The following NELL2 variants were observed in gnomAD, a reference collection of about 807,000 sequenced individuals.
NELL2 encodes neural EGFL like 2.
NELL2 carries 41 observed loss-of-function variants against 109.6 expected under a neutral mutation model. The ratio of observed to expected loss-of-function variants is 0.37; its 90% confidence interval spans 0.29 to 0.49. NELL2 has a LOEUF of 0.49. Among genes scored for constraint, NELL2 ranks in the 20% least tolerant of loss-of-function variants. NELL2 has a pLI of 0.98. For missense variants in NELL2, 900 were observed against 1,008.3 expected, an observed-to-expected ratio of 0.89 and a Z score of 1.45; for synonymous variants, 355 against 344.7, an observed-to-expected ratio of 1.03 and a Z score of -0.33.
intron 2 of NELL2, among the ~76,000 whole-genome samples, chr12:44,866,684 G>A (rs1941568873): frequency 6.6e-6 from 1 of 151,912 alleles, no homozygotes; most frequent in Admixed American, 6.6e-5. Context: ...AAATGAAACA[G>A]AGAGTTGTTT....
At chr12:44,555,430 C>T (rs948708318) in intron 15 of NELL2, among the ~76,000 whole-genome samples, 4 of 152,074 alleles carry the variant, frequency 2.6e-5, no homozygotes, top group Non-Finnish European at 5.9e-5. Context: ...CTTCATATTG[C>T]TGACAATAAA....
chr12:44,566,566 C>CACACACACACACACACACAGAG (rs377368706), intron 15 of NELL2, among the ~76,000 whole-genome samples: 89 of 138,510 alleles, frequency 6.4e-4, no homozygotes, highest in African/African-American at 2.2e-3. Flanking sequence ...CACACACACA[C>CACACACACACACACACACAGAG]AGAGTTTTAT....
intron 16 of NELL2, among the ~76,000 whole-genome samples, chr12:44,532,199 T>C (rs988896653): frequency 6.6e-6 from 1 of 152,180 alleles, no homozygotes; most frequent in Non-Finnish European, 1.5e-5. Context: ...ACATCATCAT[T>C]GCATTTCCTC....
At chr12:44,616,513 G>A (rs1177994255) in intron 13 of NELL2, among the ~76,000 whole-genome samples, 2 of 152,084 alleles carry the variant, frequency 1.3e-5, no homozygotes, top group African/African-American at 2.4e-5. Flanking sequence ...CTGAGAAAAA[G>A]CTCCCTTAGA....
intron 12 of NELL2, among the ~76,000 whole-genome samples, chr12:44,675,415 C>G (rs1948273865): frequency 6.6e-6 from 1 of 152,106 alleles, no homozygotes; most frequent in Non-Finnish European, 1.5e-5. Flanking sequence ...CATATTCTAC[C>G]ACATTTAAAA....
chr12:44,577,426 A>T (rs1482301767), intron 15 of NELL2, among the ~76,000 whole-genome samples: 4 of 106,436 alleles, frequency 3.8e-5, no homozygotes, highest in East Asian at 2.5e-4. Flanking sequence ...GTTTGAGTTC[A>T]TTGTAGATTC....
intron 19 of NELL2, among the ~76,000 whole-genome samples, chr12:44,516,491 G>A (rs955386808): frequency 6.6e-6 from 1 of 152,096 alleles, no homozygotes; most frequent in Non-Finnish European, 1.5e-5. Flanking sequence ...AAATTATTAG[G>A]AGAAACTTTT....
intron 2 of NELL2, among the ~76,000 whole-genome samples, chr12:44,817,578 A>G (rs1943393857): frequency 6.6e-6 from 1 of 152,188 alleles, no homozygotes; most frequent in African/African-American, 2.4e-5. Context: ...CAGGTAGAGA[A>G]AAGAGGGAAA....
intron 13 of NELL2, among the ~76,000 whole-genome samples, chr12:44,662,720 T>C (rs1212823304): frequency 6.6e-6 from 1 of 152,202 alleles, no homozygotes; most frequent in African/African-American, 2.4e-5. Flanking sequence ...TCTTGATTAT[T>C]AAGTAATGTG....
chr12:44,869,452 T>C (rs1256646009), intron 2 of NELL2, among the ~76,000 whole-genome samples: 1 of 152,164 alleles, frequency 6.6e-6, no homozygotes, highest in Non-Finnish European at 1.5e-5. Context: ...GTTTTTTGCT[T>C]GTAGAATTTT....
chr12:44,767,375 T>C (rs1941377310), intron 9 of NELL2, among the ~76,000 whole-genome samples: 1 of 152,204 alleles, frequency 6.6e-6, no homozygotes, highest in African/African-American at 2.4e-5. Flanking sequence ...AGAGACGTGC[T>C]GTTTTCAGGC....
intron 2 of NELL2, among the ~76,000 whole-genome samples, chr12:44,847,149 G>C (rs1018737120): frequency 1.3e-5 from 2 of 152,090 alleles, no homozygotes; most frequent in African/African-American, 4.8e-5. Flanking sequence ...CACAGTAATG[G>C]GCAAGGGACT....
intron 9 of NELL2, among the ~76,000 whole-genome samples, chr12:44,717,290 T>C (rs1322799360): frequency 6.6e-6 from 1 of 152,010 alleles, no homozygotes; most frequent in Admixed American, 6.6e-5. Flanking sequence ...CTCTAGGAGT[T>C]TTCTAAGAGA....
chr12:44,758,776 C>G (rs1384344101), intron 9 of NELL2, among the ~76,000 whole-genome samples: 1 of 152,200 alleles, frequency 6.6e-6, no homozygotes, highest in Non-Finnish European at 1.5e-5. Flanking sequence ...GCCACTCACT[C>G]AGGACCACTG....
At chr12:44,843,926 G>A (rs938058337) in intron 2 of NELL2, among the ~76,000 whole-genome samples, 8 of 152,130 alleles carry the variant, frequency 5.3e-5, no homozygotes, top group African/African-American at 1.9e-4. Flanking sequence ...GGAGGCTGAG[G>A]TGAGAGGACC....
At chr12:44,899,123 C>G (rs925335155) in intron 1 of NELL2, among the ~76,000 whole-genome samples, 6 of 151,454 alleles carry the variant, frequency 4.0e-5, no homozygotes, top group African/African-American at 1.5e-4. Context: ...GTGAAAAGAC[C>G]AAACCTACAT....
chr12:44,722,306 C>G (rs1162785978), intron 9 of NELL2, among the ~76,000 whole-genome samples: 1 of 152,084 alleles, frequency 6.6e-6, no homozygotes, highest in African/African-American at 2.4e-5. Context: ...GTTGGGACTA[C>G]AGGCATGCGC....
At chr12:44,849,533 T>C (rs1482024384) in intron 2 of NELL2, among the ~76,000 whole-genome samples, 1 of 152,186 alleles carries the variant, frequency 6.6e-6, no homozygotes, top group Admixed American at 6.5e-5. Flanking sequence ...CTCTCATACA[T>C]TTCTATATGA....
At chr12:44,582,760 G>A (rs1944367579) in intron 15 of NELL2, among the ~76,000 whole-genome samples, 1 of 152,106 alleles carries the variant, frequency 6.6e-6, no homozygotes, top group Non-Finnish European at 1.5e-5. Flanking sequence ...TGGTTTGAAT[G>A]TGTCACTCAA....
Sources: gnomAD v4.1 joint callset for allele counts (sites outside exome capture counted in the v4.1 genomes callset) on GRCh38, gnomAD v4.1.1 for gene constraint, MANE v1.5 for transcripts, NCBI Gene and HGNC (gene_info 2026-07-23, HGNC 2026-07-21) for gene names.